The following IL1R2 variants were observed in gnomAD, a reference collection of about 807,000 sequenced individuals.
The protein encoded by IL1R2 is interleukin-1 receptor type 2.
Under a neutral mutation model 39.5 loss-of-function variants are expected in IL1R2, and 46 were observed. That is an observed-to-expected ratio of 1.16 (90% confidence interval 0.92 to 1.49). The LOEUF is 1.49. Ranked by LOEUF, IL1R2 falls within the 40% of genes most tolerant of loss-of-function variation. The pLI is 0.00. For missense variants in IL1R2, 537 were observed against 502.0 expected, an observed-to-expected ratio of 1.07 and a Z score of -0.67; for synonymous variants, 207 against 189.6, an observed-to-expected ratio of 1.09 and a Z score of -0.75.
chr2:102,000,083 A>C (rs1559411017), intron 1 of IL1R2, among the ~76,000 whole-genome samples: 1 of 152,344 alleles, frequency 6.6e-6, no homozygotes, highest in Non-Finnish European at 1.5e-5. Flanking sequence ...ATTCGGCAGA[A>C]TGCAGATGGT....
intron 7 of IL1R2, 39 bp from the exon 8 acceptor site, chr2:102,026,072 C>A (rs747340354): frequency 6.7e-7 from 1 of 1,499,868 alleles, no homozygotes; most frequent in Non-Finnish European, 9.2e-7. Flanking sequence ...AGCTTGCATT[C>A]GATACAATCA....
At chr2:102,002,773 T>TATATCC (rs1675965132) in intron 1 of IL1R2, among the ~76,000 whole-genome samples, 3 of 151,934 alleles carry the variant, frequency 2.0e-5, no homozygotes, top group Non-Finnish European at 2.9e-5. Context: ...TATCTATATC[T>TATATCC]ATATCTATAT....
At chr2:102,014,510 T>A (rs940832979) in intron 3 of IL1R2, among the ~76,000 whole-genome samples, 1 of 152,240 alleles carries the variant, frequency 6.6e-6, no homozygotes, top group Non-Finnish European at 1.5e-5. Flanking sequence ...TGTATTTCTT[T>A]ATGCACAAAA....
intron 2 of IL1R2, among the ~76,000 whole-genome samples, chr2:102,009,061 A>G (rs969288741): frequency 5.3e-5 from 8 of 151,962 alleles, no homozygotes; most frequent in Non-Finnish European, 1.2e-4. Flanking sequence ...AAAAAAAAGA[A>G]AAAAGAAAAG....
chr2:102,016,105 C>A, intron 4 of IL1R2, 54 bp downstream of exon 4: 1 of 1,394,850 alleles, frequency 7.2e-7, no homozygotes, highest in Non-Finnish European at 1.0e-6. Flanking sequence ...TTTTTACTAG[C>A]CATAAAAGAA....
At chr2:102,019,086 G>A (rs1333458518) in intron 4 of IL1R2, among the ~76,000 whole-genome samples, 1 of 152,144 alleles carries the variant, frequency 6.6e-6, no homozygotes, top group Non-Finnish European at 1.5e-5. Flanking sequence ...CCTTGATCTT[G>A]AGGATTCTAT....
At position 102,026,034 on chromosome 2, in the gene IL1R2, T is replaced by G. The variant is rs1301724901; in HGVS notation, c.888-77T>G. 3 of 1,114,930 alleles carry G rather than the reference T, an allele frequency of 2.7e-6. No individual in the cohort carries two copies. In the African/African-American group the frequency reaches 4.7e-5, roughly 17 times the overall value. The allele number at this position is 1,114,930 out of a possible 1,614,324, so 69.1% of individuals were successfully genotyped here. ...CGCAATGGGTACTTCTAAAGGAGAG[T>G]GTTTAGATGTCTACATTGTGAAAGA... On this transcript the variant is annotated intron_variant, in intron 7 of 8. Transcript: ENST00000332549.
At chr2:102,001,723 G>A (rs1228392976) in intron 1 of IL1R2, among the ~76,000 whole-genome samples, 1 of 151,842 alleles carries the variant, frequency 6.6e-6, no homozygotes, top group Non-Finnish European at 1.5e-5. Context: ...TATTTCCTAG[G>A]GCTTAGTTAA....
chr2:102,017,901 A>C (rs777680570), intron 4 of IL1R2, among the ~76,000 whole-genome samples: 6 of 152,236 alleles, frequency 3.9e-5, no homozygotes, highest in Admixed American at 3.9e-4. Context: ...GATACTGAAA[A>C]GTACAGTTAT....
At chr2:101,992,793 G>A (rs528314115) in intron 1 of IL1R2, among the ~76,000 whole-genome samples, 1 of 152,176 alleles carries the variant, frequency 6.6e-6, no homozygotes, top group African/African-American at 2.4e-5. Context: ...TGGGAGTCGG[G>A]ACACCTGAGT....
rs1170057941 is a variant in IL1R2, at chr2:102,004,606, T to C, written c.-61-3909T>C. ...CTCAGATTCCAGCAGAAATGTCAAG[T>C]TGTCTGTGATTTAAAAACTCATTTA... On this transcript the variant is annotated intron_variant, in intron 1 of 8. Coordinates refer to ENST00000332549, the MANE Select transcript of IL1R2 (RefSeq NM_004633.4). Among the ~76,000 whole-genome samples, 4 of 152,088 alleles carry C rather than the reference T, an allele frequency of 2.6e-5. No individual in the cohort carries two copies. The East Asian group carries it at 7.7e-4, about 29-fold the overall frequency.
rs1484284706 is a variant in IL1R2, at chr2:102,009,827, G to C, written c.332+1G>C. The C allele has an allele frequency of 1.2e-6, 2 of 1,613,904 alleles. No individual in the cohort carries two copies. Among genetic ancestry groups the C allele is most frequent in the Non-Finnish European group, 8.5e-7 (1 of 1,179,816 alleles). On this transcript the variant is annotated splice_donor_variant, in intron 3 of 8. Transcript: ENST00000332549. LOFTEE classifies it high-confidence loss of function. ...CTGGCACCTACGTCTGCACTACTAG[G>C]TAAGTCTCCCTGTGCGGGGCTGGGG...
At chr2:101,992,762 C>T (rs1272727772) in intron 1 of IL1R2, among the ~76,000 whole-genome samples, 2 of 151,916 alleles carry the variant, frequency 1.3e-5, no homozygotes, top group Admixed American at 6.6e-5. Context: ...GAGAGAGAGA[C>T]GGAGACAGAA....
intron 1 of IL1R2, among the ~76,000 whole-genome samples, chr2:101,995,295 G>A (rs763297502): frequency 6.0e-5 from 9 of 151,224 alleles, no homozygotes; most frequent in Non-Finnish European, 8.8e-5. Flanking sequence ...AGCAGCAGAT[G>A]TTGTTTTTTT....
chr2:102,024,288 A>T (rs1329083177), intron 6 of IL1R2, among the ~76,000 whole-genome samples: 1 of 152,226 alleles, frequency 6.6e-6, no homozygotes, highest in Admixed American at 6.5e-5. Flanking sequence ...TGGTGAAGCC[A>T]TTTAACTTCA....
Position 102,015,933 on chromosome 2 carries a change from TC to T in IL1R2, c.397del (p.Leu133CysfsTer10). 1.2e-6 allele frequency: 2 copies of T among 1,614,068 alleles called. No homozygotes were observed. The highest frequency in any genetic ancestry group is 1.7e-6 in the Non-Finnish European group (2 of 1,179,898). ...ELRVFENTDA[F>X]LPFISYPQIL... ...AGAGTTTTTGAGAATACAGATGCTT[TC>T]CTGCCGTTCATCTCATACCCGCAAA... On this transcript the variant is annotated frameshift_variant, in exon 4 of 9. Transcript: ENST00000332549. LOFTEE classifies it high-confidence loss of function.
At position 102,008,620 on chromosome 2, in the gene IL1R2, C is replaced by T. The variant is rs1314705851; in HGVS notation, c.45C>T (p.Thr15=). ...YVLVMGVSAF[T]LQPAAHTGAA... is the part of the protein sequence containing the mutation. ...TGGTAATGGGAGTTTCTGCCTTCACCCTTCAGCCTGCGGCACACACAGGTT... is the reference window on the plus strand; with the variant it reads ...TGGTAATGGGAGTTTCTGCCTTCACTCTTCAGCCTGCGGCACACACAGGTT... Residue 15 remains threonine, a synonymous_variant, in exon 2 of 9, where the codon ACC becomes ACT. Coordinates refer to ENST00000332549, the MANE Select transcript of IL1R2 (RefSeq NM_004633.4). The T allele has an allele frequency of 1.2e-6, 2 of 1,613,958 alleles. No individual in the cohort carries two copies. Among genetic ancestry groups the T allele is most frequent in the Non-Finnish European group, 1.7e-6 (2 of 1,179,976 alleles).
intron 7 of IL1R2, among the ~76,000 whole-genome samples, chr2:102,025,069 GT>G (rs1424041849): frequency 6.6e-6 from 1 of 152,058 alleles, no homozygotes; most frequent in African/African-American, 2.4e-5. Flanking sequence ...TACCTCTTCT[GT>G]TTCTCAGGGA....
At chr2:102,012,063 C>T (rs185883772) in intron 3 of IL1R2, among the ~76,000 whole-genome samples, 1 of 152,174 alleles carries the variant, frequency 6.6e-6, no homozygotes, top group African/African-American at 2.4e-5. Flanking sequence ...AAGTTTTAGG[C>T]CTAGTGTTGG....
Sources: allele counts gnomAD v4.1 joint callset (sites outside exome capture counted in the v4.1 genomes callset), GRCh38; gene constraint gnomAD v4.1.1; transcripts MANE v1.5; gene names NCBI Gene and HGNC (gene_info 2026-07-23, HGNC 2026-07-21).